The following LAMP2 variants were observed in gnomAD, a reference collection of about 807,000 sequenced individuals.
The protein encoded by LAMP2 is lysosome associated membrane protein 2.
In LAMP2, 4 loss-of-function variants were observed where a neutral mutation model predicts 25.6. The ratio of observed to expected loss-of-function variants is 0.16; its 90% confidence interval spans 0.08 to 0.36. LAMP2 has a LOEUF of 0.36. LAMP2 is among the 10% of genes least tolerant of loss of function. The pLI, the probability that LAMP2 is intolerant of heterozygous loss-of-function variation, is 1.00. For synonymous variants in LAMP2, 108 were observed against 112.7 expected (o/e 0.96, Z 0.27); for missense variants, 272 against 301.4 (o/e 0.90, Z 0.72).
rs1359219778 is a variant in LAMP2 at position 120,430,066 on chromosome X, G to A, written c.*1257C>T. The stretch of plus-strand genomic sequence containing the variant: ...TACTGAAAGCTCTCAAAGACTGACA[G>A]CTGGGTAACAAGATACACTGTATTG... On this transcript the variant is annotated 3_prime_UTR_variant, in exon 9 of 9. Transcript: ENST00000200639. 10 of 752,995 alleles carry A rather than the reference G, an allele frequency of 1.3e-5. No individual in the cohort carries two copies. The highest frequency in any genetic ancestry group is 1.6e-5 in the Non-Finnish European group (10 of 637,962). 62.1% of individuals were successfully genotyped at this position (752,995 alleles called of 1,213,427 possible).
In LAMP2 at chrX:120,437,837, T is replaced by TTTTG. The variant is rs199756350; in HGVS notation, c.1093+3889_1093+3892dup. ...CCAAGACTTTTTGGTTAGATGCAAG[T>TTTTG]TTTGTTTGTTTGTTTGTTTTGTTTT... On this transcript the variant is annotated intron_variant, in intron 8 of 8. Transcript: ENST00000200639. 45 of 741,860 alleles carry TTTTG rather than the reference T, an allele frequency of 6.1e-5. No individual in the cohort carries two copies. The African/African-American group carries it at 8.9e-4, about 15-fold the overall frequency. The allele number at this position is 741,860 out of a possible 1,213,427, so 61.1% of individuals were successfully genotyped here. A position where few individuals can be genotyped will look rare whatever the true frequency, so the allele number is the denominator to read the frequency against.
chrX:120,443,548 T>C (rs1167692101), intron 6 of LAMP2, among the ~76,000 whole-genome samples: 2 of 111,491 alleles, frequency 1.8e-5, no homozygotes, highest in South Asian at 3.7e-4. Flanking sequence ...TAATTATTAT[T>C]ACTATGTTCT....
intron 6 of LAMP2, among the ~76,000 whole-genome samples, chrX:120,443,777 C>T (rs2058584106): frequency 9.0e-6 from 1 of 111,471 alleles, no homozygotes; most frequent in African/African-American, 3.3e-5. Flanking sequence ...GTCAGGAGAT[C>T]GAGACCATCC....
chrX:120,442,421 GA>G (rs781606483), intron 7 of LAMP2, among the ~76,000 whole-genome samples, 177 bp downstream of exon 7: 4 of 111,130 alleles, frequency 3.6e-5, no homozygotes, highest in Non-Finnish European at 7.5e-5. Flanking sequence ...ATGGGATACA[GA>G]AAAAGACAGA....
At chrX:120,453,527 C>T (rs1044994513) in intron 3 of LAMP2, among the ~76,000 whole-genome samples, 3 of 111,973 alleles carry the variant, frequency 2.7e-5, no homozygotes, top group East Asian at 2.8e-4. Flanking sequence ...ATTAAAATCT[C>T]GACCACGTGC....
At chrX:120,466,465 C>A (rs1456572170) in intron 1 of LAMP2, among the ~76,000 whole-genome samples, 1 of 111,394 alleles carries the variant, frequency 9.0e-6, no homozygotes, top group Non-Finnish European at 1.9e-5. Flanking sequence ...TTCTTAGGGT[C>A]AGTTGGCCCT....
At chrX:120,455,874 A>G (rs1319693633) in intron 2 of LAMP2, among the ~76,000 whole-genome samples, 1 of 106,698 alleles carries the variant, frequency 9.4e-6, no homozygotes, top group African/African-American at 3.4e-5. Flanking sequence ...AGGCAAAGGA[A>G]TTAAGAGGAG....
chrX:120,446,988 G>T (rs1311585381), intron 5 of LAMP2, among the ~76,000 whole-genome samples: 2 of 112,229 alleles, frequency 1.8e-5, no homozygotes, highest in African/African-American at 6.5e-5. Flanking sequence ...AAACCCCCAA[G>T]AGTACTTTAA....
At chrX:120,441,979 C>T in intron 7 of LAMP2, 85 bp from the exon 8 acceptor site, 3 of 895,344 alleles carry the variant, frequency 3.4e-6, no homozygotes, top group Non-Finnish European at 4.9e-6. Context: ...TGGCTCACGC[C>T]TGTAATTCCA....
At chrX:120,432,765 G>C (rs1423744594) in intron 8 of LAMP2, among the ~76,000 whole-genome samples, 1 of 111,225 alleles carries the variant, frequency 9.0e-6, no homozygotes, top group Non-Finnish European at 1.9e-5. Context: ...ACGTGGAAGA[G>C]AGAGATGCTC....
rs146831138 is a variant in LAMP2 at position 120,455,215 on chromosome X, G to A, written c.397+142C>T. The A allele has an allele frequency of 2.4e-3, 1,225 of 506,160 alleles. 3 individuals carry two copies. Among genetic ancestry groups the A allele is most frequent in the African/African-American group, 8.5e-3 (355 of 41,847 alleles). 41.7% of individuals were successfully genotyped at this position (506,160 alleles called of 1,213,427 possible). ...GGATGGTGTCATATGTGCCATGCATGGGGTCAGTGGGAGGGTTATAAAGAC... is the reference window on the plus strand; with the variant it reads ...GGATGGTGTCATATGTGCCATGCATAGGGTCAGTGGGAGGGTTATAAAGAC... On this transcript the variant is annotated intron_variant, in intron 3 of 8. Transcript: ENST00000200639.
intron 1 of LAMP2, among the ~76,000 whole-genome samples, chrX:120,457,999 A>G (rs942439556): frequency 8.9e-6 from 1 of 112,117 alleles, no homozygotes; most frequent in African/African-American, 3.2e-5. Flanking sequence ...ATATTATACT[A>G]AAGCTTGTGG....
chrX:120,429,175 T>C lies in LAMP2; in HGVS notation c.*2148A>G, dbSNP rs756504749. The C allele has an allele frequency of 2.2e-4, 154 of 715,689 alleles. 1 individual carries two copies. The highest frequency in any genetic ancestry group is 4.8e-4 in the Admixed American group (5 of 10,425). The allele number at this position is 715,689 out of a possible 1,213,427, so 59.0% of individuals were successfully genotyped here. ...GTGTGTGTGTACATATATATATATA[T>C]ACACACACACACAATTATTTTTAGC... On this transcript the variant is annotated 3_prime_UTR_variant, in exon 9 of 9. Transcript: ENST00000200639.
Position 120,439,293 on chromosome X carries a change from G to A in LAMP2, c.1093+2437C>T, listed in dbSNP as rs1448254360. 3 of 1,201,369 alleles carry A rather than the reference G, an allele frequency of 2.5e-6. No individual in the cohort carries two copies. The African/African-American group carries it at 5.3e-5, about 21-fold the overall frequency. On this transcript the variant is annotated intron_variant, in intron 8 of 8. Transcript: ENST00000200639. The stretch of plus-strand genomic sequence containing the variant: ...GTCATCATCCAGCGAACACTCTTGG[G>A]CTGTAGGTGAGAAAAAGTGTGTAAT...
At chrX:120,468,388 CCCCTTA>C (rs1921629371) in intron 1 of LAMP2, among the ~76,000 whole-genome samples, 1 of 110,625 alleles carries the variant, frequency 9.0e-6, no homozygotes, top group Non-Finnish European at 1.9e-5. Flanking sequence ...TCCCCCTGAA[CCCCTTA>C]GTCTCCAGAG....
At chrX:120,440,359 T>C (rs1602531385) in intron 8 of LAMP2, among the ~76,000 whole-genome samples, 2 of 111,789 alleles carry the variant, frequency 1.8e-5, no homozygotes, top group Admixed American at 1.9e-4. Context: ...TCTGATCCAG[T>C]AAAATCCAAT....
In LAMP2 at chrX:120,449,009, C is replaced by T. The variant is rs141574558; in HGVS notation, c.517G>A (p.Val173Ile). ...GTGCCATTTTGGACAAAAGCTTGTA[C>T]AAGAACATCCCAGTAGTGTTGGACA... The part of the protein sequence containing the change: ...DVVQHYWDVL[V>I]QAFVQNGTVS... The change falls in exon 4 of 9, where the codon GTA becomes ATA. Residue 173 changes from valine to isoleucine, a missense_variant. By Grantham distance (29) the Val-to-Ile change is conservative. Transcript: ENST00000200639. The T allele has an allele frequency of 8.1e-5, 98 of 1,207,949 alleles. No individual in the cohort carries two copies. Among genetic ancestry groups the T allele is most frequent in the Non-Finnish European group, 1.0e-4 (92 of 893,327 alleles).
In LAMP2 at chrX:120,445,435, T is replaced by G. The variant is rs186985982; in HGVS notation, c.864+870A>C. 3.5e-4 allele frequency among the ~76,000 whole-genome samples: 39 copies of G among 112,706 alleles called. No homozygotes were observed. The East Asian group carries it at 8.8e-3, about 26-fold the overall frequency. On this transcript the variant is annotated intron_variant, in intron 6 of 8. Coordinates refer to ENST00000200639, the MANE Select transcript of LAMP2 (RefSeq NM_002294.3). ...ATGAAATAACAACATACCTACTTTT[T>G]ATATATCAGATGTTGAGATTATTTC...
chrX:120,464,681 C>T (rs1327897258), intron 1 of LAMP2, among the ~76,000 whole-genome samples: 1 of 112,066 alleles, frequency 8.9e-6, no homozygotes, highest in Non-Finnish European at 1.9e-5. Flanking sequence ...AAGGATCATC[C>T]ACCATCACCC....
Sources: gnomAD v4.1 joint callset for allele counts (sites outside exome capture counted in the v4.1 genomes callset) on GRCh38, gnomAD v4.1.1 for gene constraint, MANE v1.5 for transcripts, NCBI Gene and HGNC (gene_info 2026-07-23, HGNC 2026-07-21) for gene names.